The following SUPT3H variants were observed in gnomAD, a reference collection of about 807,000 sequenced individuals.
SUPT3H encodes SPT3 homolog, SAGA and STAGA complex component.
In SUPT3H, 44 loss-of-function variants were observed where a neutral mutation model predicts 44.3. The observed-to-expected ratio is 0.99, with a 90% CI of 0.78 to 1.28. The LOEUF is 1.28. Ranked by LOEUF, SUPT3H falls within the 50% of genes most tolerant of loss-of-function variation. The probability of loss-of-function intolerance (pLI) is 0.00; values close to 1 mark genes in which losing one functional copy is unlikely to be tolerated. For synonymous variants in SUPT3H, 124 were observed against 125.6 expected (o/e 0.99, Z 0.09); for missense variants, 380 against 387.1 (o/e 0.98, Z 0.15).
intron 10 of SUPT3H, among the ~76,000 whole-genome samples, chr6:44,909,107 C>T (rs1055977611): frequency 6.7e-6 from 1 of 148,186 alleles, no homozygotes; most frequent in African/African-American, 2.5e-5. Context: ...TATCTTTCTG[C>T]TGCTCTATAC....
chr6:44,868,066 T>C (rs1357571431), intron 10 of SUPT3H, among the ~76,000 whole-genome samples: 2 of 152,134 alleles, frequency 1.3e-5, no homozygotes, highest in Non-Finnish European at 2.9e-5. Context: ...TTACTGAATA[T>C]GCTCAGATTT....
chr6:44,888,081 T>G (rs1410901518), intron 10 of SUPT3H, among the ~76,000 whole-genome samples: 4 of 152,178 alleles, frequency 2.6e-5, no homozygotes, highest in African/African-American at 9.7e-5. Context: ...GTTGAATCTC[T>G]GAATAGACCA....
chr6:45,081,747 G>T (rs1795846701), intron 3 of SUPT3H, among the ~76,000 whole-genome samples: 1 of 152,086 alleles, frequency 6.6e-6, no homozygotes, highest in Non-Finnish European at 1.5e-5. Context: ...TACCTTAAGA[G>T]TGGCAATAAA....
intron 2 of SUPT3H, among the ~76,000 whole-genome samples, chr6:45,344,113 G>A (rs960649814): frequency 3.9e-5 from 6 of 151,986 alleles, no homozygotes; most frequent in Non-Finnish European, 5.9e-5. Flanking sequence ...CCTTTTATTC[G>A]GAGAGATAAA....
At chr6:44,904,830 C>G (rs962500331) in intron 10 of SUPT3H, among the ~76,000 whole-genome samples, 6 of 152,076 alleles carry the variant, frequency 3.9e-5, no homozygotes, top group Non-Finnish European at 8.8e-5. Flanking sequence ...AGATATAGAC[C>G]AATAGAACAG....
intron 2 of SUPT3H, among the ~76,000 whole-genome samples, chr6:45,195,834 A>C (rs1815924147): frequency 6.6e-6 from 1 of 152,120 alleles, no homozygotes; most frequent in African/African-American, 2.4e-5. Flanking sequence ...AATTGGATTC[A>C]TGAGTCTTTA....
At chr6:45,172,140 T>C (rs1810908800) in intron 2 of SUPT3H, among the ~76,000 whole-genome samples, 1 of 151,134 alleles carries the variant, frequency 6.6e-6, no homozygotes, top group Non-Finnish European at 1.5e-5. Flanking sequence ...TGGCGCGATC[T>C]CAGCTCACTG....
Position 45,003,484 on chromosome 6 carries a change from A to G in SUPT3H, c.504+169T>C, listed in dbSNP as rs1582998827. 3.3e-5 allele frequency among the ~76,000 whole-genome samples: 5 copies of G among 152,330 alleles called. No homozygotes were observed. The South Asian group carries it at 1.0e-3, about 32-fold the overall frequency. Reference sequence around the variant, plus strand: ...TTCCCAAAGTTGATGCTGAAGGCAGATCTGACTCCCACTTCAGGGGCTGAT... The same window carrying G: ...TTCCCAAAGTTGATGCTGAAGGCAGGTCTGACTCCCACTTCAGGGGCTGAT... On this transcript the variant is annotated intron_variant, in intron 6 of 10. Coordinates refer to ENST00000371459, the MANE Select transcript of SUPT3H (RefSeq NM_003599.4).
chr6:44,869,201 CTT>C (rs555233324), intron 10 of SUPT3H, among the ~76,000 whole-genome samples: 1 of 147,516 alleles, frequency 6.8e-6, no homozygotes, highest in Non-Finnish European at 1.5e-5. Context: ...GCTGCTTTGT[CTT>C]TTTTTTTTTC....
intron 6 of SUPT3H, among the ~76,000 whole-genome samples, chr6:44,982,216 C>T (rs1021801375): frequency 2.0e-5 from 3 of 152,062 alleles, no homozygotes; most frequent in Non-Finnish European, 4.4e-5. Context: ...GAGACAGTCT[C>T]ACTCTGTCAC....
intron 2 of SUPT3H, among the ~76,000 whole-genome samples, chr6:45,309,376 T>G (rs1415102720): frequency 6.6e-6 from 1 of 151,662 alleles, no homozygotes; most frequent in Admixed American, 6.6e-5. Context: ...AAACTTTAAC[T>G]GAGTATCAAC....
chr6:45,271,369 G>A (rs1313514120), intron 2 of SUPT3H, among the ~76,000 whole-genome samples: 10 of 152,194 alleles, frequency 6.6e-5, no homozygotes, highest in Non-Finnish European at 5.9e-5. Context: ...CGCGGTGTGT[G>A]CAGTCTAGGG....
intron 6 of SUPT3H, among the ~76,000 whole-genome samples, chr6:44,973,376 C>G (rs963800277): frequency 1.3e-5 from 2 of 152,220 alleles, no homozygotes; most frequent in Non-Finnish European, 2.9e-5. Context: ...TCATCTCCAT[C>G]TGGGACCACC....
chr6:45,288,225 C>A (rs554502491), intron 2 of SUPT3H, among the ~76,000 whole-genome samples: 66 of 152,056 alleles, frequency 4.3e-4, no homozygotes, highest in Non-Finnish European at 2.5e-4. Context: ...TCAAACATAA[C>A]TCAATACTTA....
chr6:45,060,319 G>A (rs1391336591), intron 3 of SUPT3H, among the ~76,000 whole-genome samples: 1 of 151,978 alleles, frequency 6.6e-6, no homozygotes, highest in East Asian at 1.9e-4. Context: ...TCTGATATTT[G>A]ACAAAACTGA....
Position 45,278,463 on chromosome 6 carries a change from G to A in SUPT3H, c.101+86738C>T, listed in dbSNP as rs528497528. On this transcript the variant is annotated intron_variant, in intron 2 of 10. Transcript: ENST00000371459. ...AGCATTAGCAACTATGAAAATAAGT[G>A]GGTGGGAATGTGTAATCCAAAAATA... Among the ~76,000 whole-genome samples, 3 of 152,234 alleles carry A rather than the reference G, an allele frequency of 2.0e-5. No individual in the cohort carries two copies. The South Asian group carries it at 6.2e-4, about 32-fold the overall frequency.
chr6:45,089,908 G>A (rs1300712371), intron 3 of SUPT3H, among the ~76,000 whole-genome samples: 5 of 151,934 alleles, frequency 3.3e-5, no homozygotes, highest in South Asian at 2.1e-4. Flanking sequence ...GCTGTCTACA[G>A]AATTACATAC....
intron 2 of SUPT3H, among the ~76,000 whole-genome samples, chr6:45,283,217 T>G (rs1460440063): frequency 1.3e-5 from 2 of 151,964 alleles, no homozygotes; most frequent in Non-Finnish European, 2.9e-5. Context: ...AATGACAGGA[T>G]CAAATTCACA....
intron 2 of SUPT3H, among the ~76,000 whole-genome samples, chr6:45,331,104 GGTGTGTGTGT>G (rs143223149): frequency 6.7e-6 from 1 of 149,606 alleles, no homozygotes. Flanking sequence ...TACAATGAGT[GGTGTGTGTGT>G]GTGTGTGTGT....
Sources: allele counts gnomAD v4.1 joint callset (sites outside exome capture counted in the v4.1 genomes callset), GRCh38; gene constraint gnomAD v4.1.1; transcripts MANE v1.5; gene names NCBI Gene and HGNC (gene_info 2026-07-23, HGNC 2026-07-21).